ARHGEF7: variants seen among roughly 807,000 people sequenced by gnomAD.
The protein encoded by ARHGEF7 is Rho guanine nucleotide exchange factor 7.
ARHGEF7 carries 33 observed loss-of-function variants against 109.8 expected under a neutral mutation model. The observed-to-expected ratio is 0.30, with a 90% CI of 0.23 to 0.40. The LOEUF is 0.40. Among genes scored for constraint, ARHGEF7 ranks in the 10% least tolerant of loss-of-function variants. ARHGEF7 has a pLI of 1.00. For synonymous variants in ARHGEF7, 458 were observed against 424.6 expected (o/e 1.08, Z -0.97); for missense variants, 938 against 1,098.5 (o/e 0.85, Z 2.07).
intron 18 of ARHGEF7, among the ~76,000 whole-genome samples, chr13:111,290,507 T>C (rs747346365): frequency 6.6e-6 from 1 of 152,056 alleles, no homozygotes; most frequent in Non-Finnish European, 1.5e-5. Flanking sequence ...CCAAGGGGAG[T>C]CCTGGAACCA....
rs116440231 is a variant in ARHGEF7, at chr13:111,274,697, A to G, written c.1213-34A>G. ...ACCTTTTTAAGAAAAGCTTTTCCTT[A>G]TGAAAGCTAATTGTATGTTTCTTTT... On this transcript the variant is annotated intron_variant, in intron 10 of 21. Coordinates refer to ENST00000646102, the MANE Select transcript of ARHGEF7 (RefSeq NM_001354046.2). The G allele has an allele frequency of 1.8e-3, 2,357 of 1,329,790 alleles. 30 individuals carry two copies. The African/African-American group carries it at 0.032, about 18-fold the overall frequency. The allele number at this position is 1,329,790 out of a possible 1,614,324, so 82.4% of individuals were successfully genotyped here.
At chr13:111,140,672 A>G (rs186061310) in intron 1 of ARHGEF7, among the ~76,000 whole-genome samples, 1 of 152,014 alleles carries the variant, frequency 6.6e-6, no homozygotes, top group African/African-American at 2.4e-5. Flanking sequence ...GCCTTTTATT[A>G]TTAACCTTTT....
intron 5 of ARHGEF7, among the ~76,000 whole-genome samples, chr13:111,220,235 A>AGG: frequency 6.6e-6 from 1 of 152,320 alleles, no homozygotes; most frequent in Non-Finnish European, 1.5e-5. Flanking sequence ...GGGCAGAGGA[A>AGG]GGAGGACCTC....
intron 1 of ARHGEF7, among the ~76,000 whole-genome samples, chr13:111,133,800 TA>T (rs1168852611): frequency 3.2e-5 from 1 of 31,072 alleles, no homozygotes; most frequent in African/African-American, 1.0e-4. Context: ...TATATATATA[TA>T]TATATATATA....
intron 13 of ARHGEF7, 34 bp from the exon 14 acceptor site, chr13:111,280,238 T>G (rs202227758): frequency 3.8e-4 from 569 of 1,500,954 alleles, no homozygotes; most frequent in Admixed American, 9.2e-4. Flanking sequence ...AAGCACTAAT[T>G]GTTTTTTTTT....
chr13:111,231,336 A>G (rs2086023683), intron 5 of ARHGEF7, among the ~76,000 whole-genome samples: 1 of 152,236 alleles, frequency 6.6e-6, no homozygotes, highest in Admixed American at 6.5e-5. Flanking sequence ...TGTAGCTCTT[A>G]CAGTGTAGAA....
Position 111,274,770 on chromosome 13 carries a change from G to T in ARHGEF7, c.1252G>T (p.Ala418Ser), listed in dbSNP as rs753924339. ...TAGACAAGATATTCAAAAATCCATG[G>T]CTGCCTTCAAAAACCTTTCAGTAAG... Reference protein sequence around the residue: ...TDRQDIQKSMAAFKNLSAQCQ... With the variant: ...TDRQDIQKSMSAFKNLSAQCQ... The change falls in exon 11 of 22, where the codon GCT becomes TCT. Residue 418 changes from alanine to serine, a missense_variant. Around this residue, in one of 4 missense-constraint regions of ARHGEF7, gnomAD observed 585 missense variants for 723.6 expected, o/e 0.81. Transcript: ENST00000646102. 71 of 1,494,588 alleles carry T rather than the reference G, an allele frequency of 4.8e-5. No homozygotes were observed. Among genetic ancestry groups the T allele is most frequent in the Non-Finnish European group, 6.2e-5 (69 of 1,120,882 alleles). 92.6% of individuals were successfully genotyped at this position (1,494,588 alleles called of 1,614,324 possible).
rs868467157 is a variant in ARHGEF7, at chr13:111,304,353, T to C, written c.*1240T>C. 1 of 152,278 alleles carries C rather than the reference T, an allele frequency of 6.6e-6. No homozygotes were observed. The highest frequency in any genetic ancestry group is 2.4e-5 in the African/African-American group (1 of 41,480). The allele number at this position is 152,278 out of a possible 1,614,324, so 9.4% of individuals were successfully genotyped here. A position where few individuals can be genotyped will look rare whatever the true frequency, so the allele number is the denominator to read the frequency against. The stretch of plus-strand genomic sequence containing the variant: ...CGGCCCGTGGAGCAGGTTTTCGTTC[T>C]GCTTCAGCAATAAATAAGGGTGACC... On this transcript the variant is annotated 3_prime_UTR_variant, in exon 22 of 22. Transcript: ENST00000646102.
chr13:111,279,771 C>T (rs1465659258), intron 13 of ARHGEF7, among the ~76,000 whole-genome samples: 2 of 152,210 alleles, frequency 1.3e-5, no homozygotes, highest in African/African-American at 2.4e-5. Context: ...CAGCATTTAG[C>T]ACAACTACTT....
intron 2 of ARHGEF7, among the ~76,000 whole-genome samples, chr13:111,188,938 G>A (rs374158492): frequency 1.2e-4 from 19 of 152,278 alleles, no homozygotes; most frequent in Admixed American, 4.6e-4. Flanking sequence ...AGATGATGGC[G>A]TATTAATAAA....
At chr13:111,132,330 A>T (rs1170742605) in intron 1 of ARHGEF7, among the ~76,000 whole-genome samples, 1 of 152,162 alleles carries the variant, frequency 6.6e-6, no homozygotes. Context: ...TCCAGCTTAT[A>T]CATGTATTGA....
chr13:111,138,424 T>A (rs958813817), intron 1 of ARHGEF7, among the ~76,000 whole-genome samples: 3 of 151,524 alleles, frequency 2.0e-5, no homozygotes, highest in African/African-American at 7.3e-5. Context: ...GAGGTTGCAG[T>A]GAGCCGAGAT....
chr13:111,285,887 A>G (rs987946102), intron 16 of ARHGEF7, among the ~76,000 whole-genome samples: 2 of 152,100 alleles, frequency 1.3e-5, no homozygotes, highest in Non-Finnish European at 2.9e-5. Context: ...CAGGACTAAC[A>G]GGACCCAAAT....
chr13:111,183,845 T>G (rs919652850), intron 2 of ARHGEF7, among the ~76,000 whole-genome samples: 3 of 152,230 alleles, frequency 2.0e-5, no homozygotes, highest in African/African-American at 7.2e-5. Context: ...CTTGTCATCT[T>G]AGACTTCTCT....
In ARHGEF7 at chr13:111,244,303, G is replaced by C; in HGVS notation, c.950+9G>C. 6.4e-7 allele frequency: 1 copy of C among 1,560,160 alleles called. No homozygotes were observed. Among genetic ancestry groups the C allele is most frequent in the Non-Finnish European group, 8.7e-7 (1 of 1,147,628 alleles). On this transcript the variant is annotated intron_variant, in intron 8 of 21. Coordinates refer to ENST00000646102, the MANE Select transcript of ARHGEF7 (RefSeq NM_001354046.2). ...TTAGAAGAATGCACCAAGTAAGTAAGATGCTAAAAATTTGCAACACTCAGG... is the reference window on the plus strand; with the variant it reads ...TTAGAAGAATGCACCAAGTAAGTAACATGCTAAAAATTTGCAACACTCAGG...
At position 111,275,519 on chromosome 13, in the gene ARHGEF7, CTG is replaced by C; in HGVS notation, c.1273-9_1273-8del. The C allele has an allele frequency of 6.2e-7, 1 of 1,613,518 alleles. No homozygotes were observed. On this transcript the variant is annotated splice_polypyrimidine_tract_variant and intron_variant, in intron 11 of 21. Transcript: ENST00000646102. The stretch of plus-strand genomic sequence containing the variant: ...GTTTATGTCTGTTAACAGTGTTGTT[CTG>C]TGTCTGTCAGGCCCAATGTCAAGAA...
At chr13:111,264,504 TC>T (rs1727362473) in intron 8 of ARHGEF7, among the ~76,000 whole-genome samples, 1 of 152,142 alleles carries the variant, frequency 6.6e-6, no homozygotes, top group Admixed American at 6.5e-5. Flanking sequence ...GACTTGTGCA[TC>T]CTAACCCTTA....
chr13:111,285,161 T>A (rs1004356670), intron 16 of ARHGEF7, among the ~76,000 whole-genome samples: 4 of 152,218 alleles, frequency 2.6e-5, no homozygotes, highest in African/African-American at 9.6e-5. Flanking sequence ...TTTTCAAAAC[T>A]CACCCCCATC....
chr13:111,120,880 G>A (rs145044597), intron 1 of ARHGEF7, among the ~76,000 whole-genome samples: 3 of 152,334 alleles, frequency 2.0e-5, no homozygotes, highest in South Asian at 2.1e-4. Flanking sequence ...GGCTGCACTC[G>A]GAGGCGGAAG....
Sources: gnomAD v4.1 joint callset for allele counts (sites outside exome capture counted in the v4.1 genomes callset) on GRCh38, gnomAD v4.1.1 for gene constraint, gnomAD v4.1.1 regional missense constraint, MANE v1.5 for transcripts, NCBI Gene and HGNC (gene_info 2026-07-23, HGNC 2026-07-21) for gene names.